The following NUDCD1 variants were observed in gnomAD, a reference collection of about 807,000 sequenced individuals.
The protein encoded by NUDCD1 is nudC domain-containing protein 1.
Under a neutral mutation model 67.8 loss-of-function variants are expected in NUDCD1, and 60 were observed. The ratio of observed to expected loss-of-function variants is 0.88; its 90% confidence interval spans 0.72 to 1.10. The LOEUF (loss-of-function observed/expected upper bound fraction) is 1.10. Ranked by LOEUF, NUDCD1 falls within the 50% of genes least tolerant of loss-of-function variation. The pLI, the probability that NUDCD1 is intolerant of heterozygous loss-of-function variation, is 0.00. For missense variants in NUDCD1, 643 were observed against 695.0 expected (o/e 0.93, Z 0.84); for synonymous variants, 244 against 230.8 (o/e 1.06, Z -0.52).
At chr8:109,333,830 G>C in intron 1 of NUDCD1, 63 bp downstream of exon 1, 1 of 1,571,504 alleles carries the variant, frequency 6.4e-7, no homozygotes, top group Non-Finnish European at 8.7e-7. Flanking sequence ...TGCGGGAAGG[G>C]TCAGGCCGGA....
At chr8:109,281,716 C>A (rs1814443300) in intron 5 of NUDCD1, among the ~76,000 whole-genome samples, 1 of 152,184 alleles carries the variant, frequency 6.6e-6, no homozygotes. Flanking sequence ...CAGGCCCTAT[C>A]CACTCCATTT....
chr8:109,248,688 T>C (rs1231539398), intron 8 of NUDCD1, among the ~76,000 whole-genome samples: 1 of 150,914 alleles, frequency 6.6e-6, no homozygotes, highest in Non-Finnish European at 1.5e-5. Context: ...TCTCAGTAAT[T>C]TCCCTCTATA....
intron 2 of NUDCD1, 71 bp downstream of exon 2, chr8:109,322,238 G>A: frequency 2.5e-6 from 2 of 793,208 alleles, no homozygotes; most frequent in Non-Finnish European, 3.9e-6. Context: ...AGATTCAAAA[G>A]GGAAACTTAA....
chr8:109,257,528 C>T (rs781636703), intron 8 of NUDCD1, among the ~76,000 whole-genome samples: 3 of 152,030 alleles, frequency 2.0e-5, no homozygotes, highest in Admixed American at 2.0e-4. Flanking sequence ...TCAAGTTGAC[C>T]TGCAGATCCA....
At chr8:109,326,680 G>C (rs529296058) in intron 1 of NUDCD1, among the ~76,000 whole-genome samples, 1 of 152,232 alleles carries the variant, frequency 6.6e-6, no homozygotes, top group East Asian at 1.9e-4. Context: ...CTCAAAAGAA[G>C]AGTCTCCCTT....
intron 2 of NUDCD1, among the ~76,000 whole-genome samples, chr8:109,299,180 C>A (rs1218971848): frequency 1.3e-5 from 2 of 152,154 alleles, no homozygotes; most frequent in Admixed American, 1.3e-4. Flanking sequence ...AGGCACCGGG[C>A]AAAGGCCACA....
At chr8:109,263,065 A>AC (rs1236731360) in intron 8 of NUDCD1, among the ~76,000 whole-genome samples, 2 of 149,922 alleles carry the variant, frequency 1.3e-5, no homozygotes, top group African/African-American at 4.9e-5. Context: ...AAAAAAAAAA[A>AC]AAAAAAAAAA....
At position 109,242,129 on chromosome 8, in the gene NUDCD1, T is replaced by C. The variant is rs1813380876; in HGVS notation, c.*880A>G. On this transcript the variant is annotated 3_prime_UTR_variant, in exon 10 of 10. Transcript: ENST00000239690. Reference sequence around the variant, plus strand: ...AGTCATACCATCCGCTGTCAGCTTGTGTAGTCCCCTCATTCTGACTCTAGA... The same window carrying C: ...AGTCATACCATCCGCTGTCAGCTTGCGTAGTCCCCTCATTCTGACTCTAGA... 2 of 398,030 alleles carry C rather than the reference T, an allele frequency of 5.0e-6. No individual in the cohort carries two copies. Among genetic ancestry groups the C allele is most frequent in the Admixed American group, 8.8e-5 (2 of 22,694 alleles). 24.7% of individuals were successfully genotyped at this position (398,030 alleles called of 1,614,324 possible). A position where few individuals can be genotyped will look rare whatever the true frequency, so the allele number is the denominator to read the frequency against.
chr8:109,285,672 A>C (rs1814558106), intron 5 of NUDCD1, among the ~76,000 whole-genome samples: 1 of 152,156 alleles, frequency 6.6e-6, no homozygotes, highest in Non-Finnish European at 1.5e-5. Context: ...TCAAAATAAC[A>C]AGAGCCATCT....
intron 8 of NUDCD1, among the ~76,000 whole-genome samples, chr8:109,253,008 T>C (rs1813655442): frequency 6.6e-6 from 1 of 152,150 alleles, no homozygotes; most frequent in South Asian, 2.1e-4. Context: ...GTTCCAAATA[T>C]ACAAGTAGCC....
rs1815428903 is a variant in NUDCD1 at position 109,317,552 on chromosome 8, A to AAT, written c.273+4756_273+4757insAT. 4.6e-5 allele frequency among the ~76,000 whole-genome samples: 7 copies of AAT among 152,344 alleles called. 1 individual carries two copies. In the South Asian group the frequency reaches 1.4e-3, roughly 32 times the overall value. ...TATTATCCTATGAGAAAGGATCCAC[A>AAT]GGATCCATTGTTCTGTGGATTAAAC... On this transcript the variant is annotated intron_variant, in intron 2 of 9. Transcript: ENST00000239690.
intron 8 of NUDCD1, among the ~76,000 whole-genome samples, chr8:109,264,539 C>T (rs1813948533): frequency 6.6e-6 from 1 of 152,106 alleles, no homozygotes; most frequent in Admixed American, 6.6e-5. Flanking sequence ...GTAAAAACAT[C>T]CATTCAAAGT....
Position 109,310,810 on chromosome 8 carries a change from CTTTTTTTT to C in NUDCD1, c.273+11491_273+11498del, listed in dbSNP as rs59611956. On this transcript the variant is annotated intron_variant, in intron 2 of 9. Coordinates refer to ENST00000239690, the MANE Select transcript of NUDCD1 (RefSeq NM_032869.4). Reference sequence around the variant, plus strand: ...GGGCTAAGGACGTGAATAGACAATTCTTTTTTTTTTTTTTTTTTTTTTTTGAGAAGGAG... The same window carrying C: ...GGGCTAAGGACGTGAATAGACAATTCTTTTTTTTTTTTTTTTGAGAAGGAG... Among the ~76,000 whole-genome samples the C allele has an allele frequency of 4.0e-5, 3 of 75,180 alleles. No individual in the cohort carries two copies. The East Asian group carries it at 1.3e-3, about 32-fold the overall frequency. The allele number at this position is 75,180 out of a possible 152,430, so 49.3% of individuals were successfully genotyped here.
chr8:109,242,906 A>G lies in NUDCD1; in HGVS notation c.*103T>C, dbSNP rs897099850. The G allele has an allele frequency of 4.9e-6, 3 of 613,194 alleles. No homozygotes were observed. The highest frequency in any genetic ancestry group is 3.7e-5 in the African/African-American group (2 of 54,330). The allele number at this position is 613,194 out of a possible 1,614,324, so 38.0% of individuals were successfully genotyped here. A position where few individuals can be genotyped will look rare whatever the true frequency, so the allele number is the denominator to read the frequency against. On this transcript the variant is annotated 3_prime_UTR_variant, in exon 10 of 10. Transcript: ENST00000239690. ...TAAAAAATAAAAAATCATACAAGAT[A>G]TATTTAGCACATTAAAACTTAAGAG...
chr8:109,290,351 C>G (rs182104982), intron 4 of NUDCD1, among the ~76,000 whole-genome samples: 4 of 152,098 alleles, frequency 2.6e-5, no homozygotes, highest in African/African-American at 9.7e-5. Flanking sequence ...TACCCCAGAA[C>G]TCCAACATGA....
intron 8 of NUDCD1, among the ~76,000 whole-genome samples, chr8:109,254,619 TTGAA>T (rs1185151299): frequency 1.3e-5 from 2 of 152,060 alleles, no homozygotes; most frequent in Admixed American, 6.5e-5. Flanking sequence ...TTTGTAGTCT[TTGAA>T]TGAAGACTAC....
intron 2 of NUDCD1, among the ~76,000 whole-genome samples, chr8:109,306,792 A>G (rs535650534): frequency 2.0e-5 from 3 of 152,176 alleles, no homozygotes; most frequent in South Asian, 4.2e-4. Flanking sequence ...GCCATCACCA[A>G]TCATTCTATA....
At chr8:109,312,995 G>T (rs1265512846) in intron 2 of NUDCD1, among the ~76,000 whole-genome samples, 2 of 152,086 alleles carry the variant, frequency 1.3e-5, no homozygotes, top group African/African-American at 2.4e-5. Context: ...CCTCCTTCTA[G>T]GTAAGACTTA....
Position 109,260,900 on chromosome 8 carries a change from A to G in NUDCD1, c.1299+10105T>C, listed in dbSNP as rs139296579. Among the ~76,000 whole-genome samples, 373 of 152,350 alleles carry G rather than the reference A, an allele frequency of 2.4e-3. 6 individuals carry two copies. The South Asian group carries it at 0.031, about 13-fold the overall frequency. On this transcript the variant is annotated intron_variant, in intron 8 of 9. Coordinates refer to ENST00000239690, the MANE Select transcript of NUDCD1 (RefSeq NM_032869.4). ...ACATGACTGTATGTTTTAAAAGTAG[A>G]GACTGTCTTGATTACCAACAAGTCT... is the stretch of plus-strand genomic sequence containing the variant.
Sources: allele counts gnomAD v4.1 joint callset (sites outside exome capture counted in the v4.1 genomes callset), GRCh38; gene constraint gnomAD v4.1.1; transcripts MANE v1.5; gene names NCBI Gene and HGNC (gene_info 2026-07-23, HGNC 2026-07-21).